The following ARHGEF7 variants were observed in gnomAD, a reference collection of about 807,000 sequenced individuals.
The protein encoded by ARHGEF7 is PAK-interacting exchange factor beta.
In ARHGEF7, 33 loss-of-function variants were observed where a neutral mutation model predicts 109.8. The observed-to-expected ratio is 0.30, with a 90% CI of 0.23 to 0.40. The LOEUF (loss-of-function observed/expected upper bound fraction) is 0.40. Among genes scored for constraint, ARHGEF7 ranks in the 10% least tolerant of loss-of-function variants. ARHGEF7 has a pLI of 1.00. For synonymous variants in ARHGEF7, 458 were observed against 424.6 expected, an observed-to-expected ratio of 1.08 and a Z score of -0.97; for missense variants, 938 against 1,098.5, an observed-to-expected ratio of 0.85 and a Z score of 2.07.
At chr13:111,263,677 C>T (rs2153578945) in intron 8 of ARHGEF7, among the ~76,000 whole-genome samples, 1 of 152,332 alleles carries the variant, frequency 6.6e-6, no homozygotes, top group East Asian at 1.9e-4. Context: ...TTCAGTCCTC[C>T]TAGTGAGGCA....
intron 19 of ARHGEF7, among the ~76,000 whole-genome samples, chr13:111,297,088 A>AAC (rs1393705063): frequency 6.6e-6 from 1 of 152,256 alleles, no homozygotes; most frequent in Non-Finnish European, 1.5e-5. Flanking sequence ...TAACTTGTTA[A>AAC]ATCTGCTTTC....
chr13:111,283,153 G>C lies in ARHGEF7; in HGVS notation c.1740G>C (p.Pro580=). ...SVPSHTLPSH[P]VTPSSKHADS... ...GCCCTTGGCAGCTCCCCTCCCACCCGGTCACTCCGTCCAGCAAGCACGCAG... is the reference window on the plus strand; with the variant it reads ...GCCCTTGGCAGCTCCCCTCCCACCCCGTCACTCCGTCCAGCAAGCACGCAG... The change falls in exon 16 of 22, where the codon CCG becomes CCC. Residue 580 remains proline (P), a synonymous_variant. Coordinates refer to ENST00000646102, the MANE Select transcript of ARHGEF7 (RefSeq NM_001354046.2). The C allele has an allele frequency of 1.9e-6, 3 of 1,589,120 alleles. No homozygotes were observed. Among genetic ancestry groups the C allele is most frequent in the South Asian group, 2.3e-5 (2 of 87,170 alleles).
chr13:111,192,539 G>A (rs1329752638), intron 2 of ARHGEF7, among the ~76,000 whole-genome samples: 1 of 152,212 alleles, frequency 6.6e-6, no homozygotes, highest in South Asian at 2.1e-4. Context: ...GCCCCATTTT[G>A]TGAGGAGAAT....
chr13:111,162,276 A>G (rs904564845), intron 2 of ARHGEF7, among the ~76,000 whole-genome samples: 5 of 152,230 alleles, frequency 3.3e-5, no homozygotes, highest in Non-Finnish European at 5.9e-5. Context: ...ACAGTGCTTT[A>G]TATTTCTGGG....
chr13:111,300,566 C>T (rs1010681296), intron 19 of ARHGEF7, among the ~76,000 whole-genome samples, 182 bp from the exon 20 acceptor site: 2 of 152,158 alleles, frequency 1.3e-5, no homozygotes, highest in Admixed American at 6.5e-5. Flanking sequence ...GGCCTGGGCT[C>T]GGTAGACAGA....
intron 16 of ARHGEF7, among the ~76,000 whole-genome samples, chr13:111,284,050 A>G (rs1418037121): frequency 5.3e-5 from 8 of 152,232 alleles, no homozygotes; most frequent in Non-Finnish European, 1.2e-4. Context: ...AAGTACTTTC[A>G]CCTGAGGAAG....
intron 9 of ARHGEF7, among the ~76,000 whole-genome samples, chr13:111,271,772 T>A (rs946438421): frequency 1.3e-5 from 2 of 152,240 alleles, no homozygotes; most frequent in African/African-American, 4.8e-5. Flanking sequence ...AAGCCTTATA[T>A]ATGGAGTTGA....
rs541687720 is a variant in ARHGEF7, at chr13:111,223,528, A to G, written c.670+5648A>G. Among the ~76,000 whole-genome samples, 46 of 152,300 alleles carry G rather than the reference A, an allele frequency of 3.0e-4. No homozygotes were observed. In the South Asian group the frequency reaches 7.9e-3, roughly 26 times the overall value. Reference sequence around the variant, plus strand: ...CCAGATAAATTGACCAGATGGTCCAATTCACCTCTCCTGCTTCCCTGGGGA... The same window carrying G: ...CCAGATAAATTGACCAGATGGTCCAGTTCACCTCTCCTGCTTCCCTGGGGA... On this transcript the variant is annotated intron_variant, in intron 5 of 21. Coordinates refer to ENST00000646102, the MANE Select transcript of ARHGEF7 (RefSeq NM_001354046.2).
intron 18 of ARHGEF7, among the ~76,000 whole-genome samples, chr13:111,288,784 A>G (rs2093138150): frequency 6.6e-6 from 1 of 152,222 alleles, no homozygotes; most frequent in Non-Finnish European, 1.5e-5. Flanking sequence ...CAGTTATTTC[A>G]GCTATTTAAA....
intron 8 of ARHGEF7, among the ~76,000 whole-genome samples, chr13:111,263,309 A>G (rs1159842569): frequency 6.6e-6 from 1 of 152,248 alleles, no homozygotes; most frequent in Non-Finnish European, 1.5e-5. Context: ...AAGAGGTAAT[A>G]AAAATCTAGA....
intron 9 of ARHGEF7, among the ~76,000 whole-genome samples, chr13:111,270,557 G>A (rs1173007030): frequency 3.9e-5 from 6 of 152,046 alleles, no homozygotes; most frequent in African/African-American, 1.4e-4. Context: ...GCTTGCACAT[G>A]TTTCACTTTT....
chr13:111,136,133 C>A (rs1428689580), intron 1 of ARHGEF7, among the ~76,000 whole-genome samples: 1 of 152,032 alleles, frequency 6.6e-6, no homozygotes, highest in Non-Finnish European at 1.5e-5. Context: ...GCCTTGCATC[C>A]CAGGGATGAA....
chr13:111,277,364 C>T (rs1360240144), intron 12 of ARHGEF7, among the ~76,000 whole-genome samples: 1 of 152,132 alleles, frequency 6.6e-6, no homozygotes, highest in Non-Finnish European at 1.5e-5. Flanking sequence ...TTCTCTTTAC[C>T]TATATGTTAA....
At chr13:111,280,752 A>C in intron 15 of ARHGEF7, 75 bp downstream of exon 15, 1 of 1,356,470 alleles carries the variant, frequency 7.4e-7, no homozygotes, top group East Asian at 2.6e-5. Flanking sequence ...GCAAGTGATC[A>C]GTTGCTTTAA....
intron 2 of ARHGEF7, among the ~76,000 whole-genome samples, chr13:111,200,410 G>A (rs2081084399): frequency 1.3e-5 from 2 of 150,904 alleles, no homozygotes; most frequent in South Asian, 4.2e-4. Flanking sequence ...TTTCTGTTCA[G>A]CCAGCTCTCT....
intron 13 of ARHGEF7, among the ~76,000 whole-genome samples, chr13:111,278,535 A>G (rs919885247): frequency 6.6e-6 from 1 of 152,170 alleles, no homozygotes. Context: ...CCCAGAGAGG[A>G]CTTGTGGCCA....
chr13:111,137,295 G>A (rs1274612299), intron 1 of ARHGEF7, among the ~76,000 whole-genome samples: 1 of 152,236 alleles, frequency 6.6e-6, no homozygotes, highest in Non-Finnish European at 1.5e-5. Context: ...GGTGCTGCTG[G>A]TCCTGGGGCC....
intron 6 of ARHGEF7, chr13:111,241,370 G>C: frequency 6.5e-7 from 1 of 1,535,190 alleles, no homozygotes; most frequent in Non-Finnish European, 8.7e-7. Context: ...CCCGAGGTCA[G>C]GAAGGCCAGC....
At position 111,243,797 on chromosome 13, in the gene ARHGEF7, T is replaced by C. The variant is rs1044635182; in HGVS notation, c.760-75T>C. ...TGTGAATTGAACAATGGCGATGAACTGTCCAAAGTGTATAAATCTTAGTGT... is the reference window on the plus strand; with the variant it reads ...TGTGAATTGAACAATGGCGATGAACCGTCCAAAGTGTATAAATCTTAGTGT... On this transcript the variant is annotated intron_variant, in intron 6 of 21. Transcript: ENST00000646102. 4.4e-6 allele frequency: 4 copies of C among 914,238 alleles called. No homozygotes were observed. In the South Asian group the frequency reaches 6.6e-5, roughly 15 times the overall value. The allele number at this position is 914,238 out of a possible 1,614,324, so 56.6% of individuals were successfully genotyped here.
Sources: gnomAD v4.1 joint callset for allele counts (sites outside exome capture counted in the v4.1 genomes callset) on GRCh38, gnomAD v4.1.1 for gene constraint, MANE v1.5 for transcripts, NCBI Gene and HGNC (gene_info 2026-07-23, HGNC 2026-07-21) for gene names.